Variants in ITIH2 observed in about 807,000 individuals in gnomAD.
The protein encoded by ITIH2 is inter-alpha-trypsin inhibitor heavy chain 2.
A neutral mutation model predicts 104.4 loss-of-function variants in ITIH2; 103 were observed. That is an observed-to-expected ratio of 0.99 (90% CI 0.84 to 1.16). The LOEUF (loss-of-function observed/expected upper bound fraction) is 1.16. ITIH2 is among the 50% of genes most tolerant of loss of function. The pLI is 0.00. For missense variants in ITIH2, 1,108 were observed against 1,162.4 expected (o/e 0.95, Z 0.68); for synonymous variants, 436 against 435.4 (o/e 1.00, Z -0.02).
At chr10:7,732,613 C>T in intron 14 of ITIH2, 136 bp downstream of exon 14, 1 of 850,896 alleles carries the variant, frequency 1.2e-6, no homozygotes, top group Non-Finnish European at 1.8e-6. Flanking sequence ...TATTACCTTC[C>T]ACTAGTTCTG....
At position 7,727,686 on chromosome 10, in the gene ITIH2, T is replaced by C; in HGVS notation, c.1154-17T>C. On this transcript the variant is annotated splice_polypyrimidine_tract_variant and intron_variant, in intron 10 of 20. Coordinates refer to ENST00000358415, the MANE Select transcript of ITIH2 (RefSeq NM_002216.3). ...GCGAGAACGCATACCCAACGTTTCA[T>C]TATGCTACTTCAACAGGCACAAACA... 6.2e-7 allele frequency: 1 copy of C among 1,613,620 alleles called. No individual in the cohort carries two copies. Among genetic ancestry groups the C allele is most frequent in the Non-Finnish European group, 8.5e-7 (1 of 1,179,636 alleles).
intron 6 of ITIH2, among the ~76,000 whole-genome samples, chr10:7,718,737 A>T (rs187172740): frequency 4.3e-4 from 66 of 152,010 alleles, no homozygotes; most frequent in Non-Finnish European, 7.9e-4. Context: ...GTCCATGTGT[A>T]CTCAATGTTT....
intron 9 of ITIH2, among the ~76,000 whole-genome samples, 162 bp downstream of exon 9, chr10:7,723,729 T>C (rs1404043948): frequency 6.6e-6 from 1 of 152,154 alleles, no homozygotes; most frequent in African/African-American, 2.4e-5. Flanking sequence ...TTTGCTATTA[T>C]TGCATTTCAC....
chr10:7,705,205 A>G, intron 2 of ITIH2, 23 bp downstream of exon 2: 2 of 1,496,808 alleles, frequency 1.3e-6, no homozygotes, highest in Non-Finnish European at 1.8e-6. Context: ...TTACTCCCAA[A>G]AGGGGGAAAA....
chr10:7,717,855 T>C, intron 6 of ITIH2, 67 bp downstream of exon 6: 1 of 1,474,220 alleles, frequency 6.8e-7, no homozygotes, highest in Non-Finnish European at 9.3e-7. Context: ...TGATTTATAC[T>C]TTCTGCTTGT....
intron 10 of ITIH2, 83 bp downstream of exon 10, chr10:7,727,201 CAG>C (rs1276573210): frequency 4.4e-5 from 51 of 1,161,924 alleles, no homozygotes; most frequent in Non-Finnish European, 6.3e-5. Context: ...ATTCCCATCA[CAG>C]TGGTCTTTCC....
chr10:7,742,565 AC>A (rs563817617), intron 16 of ITIH2, among the ~76,000 whole-genome samples: 3 of 151,500 alleles, frequency 2.0e-5, no homozygotes, highest in Non-Finnish European at 4.4e-5. Flanking sequence ...ACAAAGTGAG[AC>A]CCCCCATCTC....
intron 10 of ITIH2, among the ~76,000 whole-genome samples, chr10:7,727,377 T>C (rs919735470): frequency 6.6e-6 from 1 of 152,244 alleles, no homozygotes; most frequent in Non-Finnish European, 1.5e-5. Flanking sequence ...ATTGCCTGCA[T>C]AAAGCATAAA....
In ITIH2 at chr10:7,709,563, G is replaced by GA. The variant is rs1283432660; in HGVS notation, c.362+382dup. 5.8e-3 allele frequency among the ~76,000 whole-genome samples: 844 copies of GA among 146,232 alleles called. 3 individuals are homozygous for GA. The highest frequency in any genetic ancestry group is 0.019 in the African/African-American group (755 of 39,854). ...CCATCTGCCATATGTTTCTCTATGGGAAAAAAAAAACAAGTTGAGAACCAC... is the reference window on the plus strand; with the variant it reads ...CCATCTGCCATATGTTTCTCTATGGGAAAAAAAAAAACAAGTTGAGAACCAC... On this transcript the variant is annotated intron_variant, in intron 4 of 20. Transcript: ENST00000358415.
chr10:7,721,812 C>G (rs750591551), intron 8 of ITIH2, 35 bp downstream of exon 8: 1 of 1,609,498 alleles, frequency 6.2e-7, no homozygotes, highest in Non-Finnish European at 8.5e-7. Flanking sequence ...TACTGCCAAG[C>G]TCGTGCCAAA....
At chr10:7,745,438 A>G (rs1271591291) in intron 19 of ITIH2, among the ~76,000 whole-genome samples, 1 of 152,072 alleles carries the variant, frequency 6.6e-6, no homozygotes, top group Non-Finnish European at 1.5e-5. Context: ...CTTACAATCC[A>G]CTAGACCAAC....
intron 8 of ITIH2, 53 bp from the exon 9 acceptor site, chr10:7,723,398 T>C (rs1329557736): frequency 1.6e-5 from 19 of 1,179,408 alleles, no homozygotes; most frequent in South Asian, 1.1e-4. Context: ...CCCATCTTCC[T>C]ACCTTCTAAA....
At chr10:7,716,159 G>A (rs1428989329) in intron 5 of ITIH2, among the ~76,000 whole-genome samples, 1 of 151,946 alleles carries the variant, frequency 6.6e-6, no homozygotes, top group Non-Finnish European at 1.5e-5. Flanking sequence ...TAATTTTTGC[G>A]TTTTTAGTAG....
rs1192370372 is a variant in ITIH2 at position 7,744,801 on chromosome 10, T to G, written c.2419T>G (p.Ser807Ala). 1 of 1,613,782 alleles carries G rather than the reference T, an allele frequency of 6.2e-7. No homozygotes were observed. The highest frequency in any genetic ancestry group is 8.5e-7 in the Non-Finnish European group (1 of 1,179,748). Residue 807 changes from serine to alanine, a missense_variant, in exon 19 of 21, where the codon TCA becomes GCA. By Grantham distance (99) the Ser-to-Ala change is moderately conservative (BLOSUM62 1). Transcript: ENST00000358415. ...AQVTNQRVQI[S>A]VKKEKVVTIT... The stretch of plus-strand genomic sequence containing the variant: ...GGACTTTCACACCAGGGTGCAGATC[T>G]CAGTGAAGAAAGAAAAAGTGGTAAC...
At chr10:7,728,961 T>C (rs561959779) in intron 11 of ITIH2, among the ~76,000 whole-genome samples, 1 of 152,320 alleles carries the variant, frequency 6.6e-6, no homozygotes, top group South Asian at 2.1e-4. Flanking sequence ...TCAGATCAGA[T>C]TATTTTCAAA....
intron 1 of ITIH2, among the ~76,000 whole-genome samples, 196 bp downstream of exon 1, chr10:7,703,714 A>G (rs971549003): frequency 6.6e-6 from 1 of 152,258 alleles, no homozygotes; most frequent in Non-Finnish European, 1.5e-5. Flanking sequence ...TTTTGCATGA[A>G]AATTAAGTCA....
intron 9 of ITIH2, among the ~76,000 whole-genome samples, chr10:7,725,871 A>G (rs1339157913): frequency 6.6e-6 from 1 of 152,214 alleles, no homozygotes; most frequent in African/African-American, 2.4e-5. Flanking sequence ...ACAACAGAGC[A>G]TTCCAATATT....
chr10:7,745,766 ATTTATGAGATGGAG>A (rs1198763462), intron 19 of ITIH2, among the ~76,000 whole-genome samples: 30 of 150,984 alleles, frequency 2.0e-4, no homozygotes, highest in African/African-American at 6.5e-4. Flanking sequence ...TAATTCATTA[ATTTATGAGATGGAG>A]TTTCTCTCTT....
intron 10 of ITIH2, 57 bp downstream of exon 10, chr10:7,727,175 T>G: frequency 7.0e-7 from 1 of 1,434,964 alleles, no homozygotes; most frequent in Admixed American, 1.8e-5. Flanking sequence ...AAATCATGAT[T>G]CACTTAAGAA....
Sources: gnomAD v4.1 joint callset for allele counts (sites outside exome capture counted in the v4.1 genomes callset) on GRCh38, gnomAD v4.1.1 for gene constraint, MANE v1.5 for transcripts, NCBI Gene and HGNC (gene_info 2026-07-23, HGNC 2026-07-21) for gene names.